Variants in KLF12 observed in about 807,000 individuals in gnomAD.
The protein encoded by KLF12 is Krueppel-like factor 12.
Under a neutral mutation model 37.8 loss-of-function variants are expected in KLF12, and 9 were observed. That is an observed-to-expected ratio of 0.24 (90% CI 0.14 to 0.42). The LOEUF (loss-of-function observed/expected upper bound fraction) is 0.42, where lower values mean the gene tolerates loss of function less well. Among genes scored for constraint, KLF12 ranks in the 10% least tolerant of loss-of-function variants. KLF12 has a pLI of 1.00. For missense variants in KLF12, 411 were observed against 516.0 expected (o/e 0.80, Z 1.97); for synonymous variants, 208 against 202.1 (o/e 1.03, Z -0.25).
At chr13:73,961,361 T>C (rs2139462635) in intron 2 of KLF12, among the ~76,000 whole-genome samples, 1 of 152,150 alleles carries the variant, frequency 6.6e-6, no homozygotes, top group Non-Finnish European at 1.5e-5. Flanking sequence ...TCCTAACAAG[T>C]GAGAAGCTGA....
chr13:74,009,474 C>T (rs1411514832), intron 1 of KLF12, among the ~76,000 whole-genome samples: 1 of 152,170 alleles, frequency 6.6e-6, no homozygotes, highest in Non-Finnish European at 1.5e-5. Flanking sequence ...TCCCAAAGTC[C>T]ACACTCTTTT....
intron 7 of KLF12, among the ~76,000 whole-genome samples, chr13:73,699,882 C>A (rs1055766495): frequency 1.3e-5 from 2 of 152,130 alleles, no homozygotes; most frequent in African/African-American, 4.8e-5. Context: ...GTGTAATAAA[C>A]AATCGTGAAA....
rs150899039 is a variant in KLF12 at position 73,858,372 on chromosome 13, A to G, written c.124-11999T>C. Among the ~76,000 whole-genome samples the G allele has an allele frequency of 1.5e-3, 235 of 152,306 alleles. 1 individual carries two copies. The highest frequency in any genetic ancestry group is 4.2e-3 in the African/African-American group (174 of 41,576). On this transcript the variant is annotated intron_variant, in intron 3 of 7. Coordinates refer to ENST00000377669, the MANE Select transcript of KLF12 (RefSeq NM_007249.5). ...ATTAACACATCCACTTATAATTTGA[A>G]ATTAACTAAGGAAAACAGCTAAATA...
chr13:74,207,193 G>A, the KLF12 span, among the ~76,000 whole-genome samples: 2 of 152,150 alleles, frequency 1.3e-5, no homozygotes, highest in East Asian at 3.9e-4. Flanking sequence ...CAAAGCATTA[G>A]TCCATTCATG....
chr13:73,927,831 G>A (rs1388336819), intron 3 of KLF12, among the ~76,000 whole-genome samples: 2 of 142,272 alleles, frequency 1.4e-5, no homozygotes, highest in South Asian at 2.3e-4. Context: ...CTCGTGATCC[G>A]CCTGCCTCGG....
chr13:74,099,157 G>A (rs949968216), intron 1 of KLF12, among the ~76,000 whole-genome samples: 46 of 152,236 alleles, frequency 3.0e-4, no homozygotes, highest in African/African-American at 1.1e-3. Flanking sequence ...AGACCAGTCT[G>A]GGCAACATAG....
intron 5 of KLF12, among the ~76,000 whole-genome samples, chr13:73,804,680 A>G (rs965921767): frequency 6.6e-5 from 10 of 152,192 alleles, no homozygotes; most frequent in African/African-American, 9.6e-5. Flanking sequence ...AAAAAGAGCA[A>G]TCTAACAGCA....
chr13:74,037,059 C>G (rs1211455617), intron 1 of KLF12, among the ~76,000 whole-genome samples: 1 of 151,922 alleles, frequency 6.6e-6, no homozygotes, highest in Non-Finnish European at 1.5e-5. Context: ...AAAAAATTAG[C>G]CAGGCATGGT....
chr13:74,078,022 G>C (rs1028692828), intron 1 of KLF12, among the ~76,000 whole-genome samples: 11 of 152,280 alleles, frequency 7.2e-5, no homozygotes, highest in Admixed American at 7.2e-4. Context: ...GACCAAGGAA[G>C]ATACAGTGTG....
chr13:73,853,278 G>A (rs929720568), intron 3 of KLF12, among the ~76,000 whole-genome samples: 1 of 151,934 alleles, frequency 6.6e-6, no homozygotes, highest in African/African-American at 2.4e-5. Context: ...ATTTTTTCAT[G>A]ACCTATTTAC....
At position 73,916,235 on chromosome 13, in the gene KLF12, A is replaced by ACG. The variant is rs1555324818; in HGVS notation, c.123+27745_123+27746insCG. On this transcript the variant is annotated intron_variant, in intron 3 of 7. Transcript: ENST00000377669. ...CACACACACACACACACACACACAC[A>ACG]CACACGCACACGCACACACACACAC... Among the ~76,000 whole-genome samples, 21 of 33,462 alleles carry ACG rather than the reference A, an allele frequency of 6.3e-4. No individual in the cohort carries two copies. The South Asian group carries it at 0.016, about 25-fold the overall frequency. 22.0% of individuals were successfully genotyped at this position (33,462 alleles called of 152,430 possible). A position where few individuals can be genotyped will look rare whatever the true frequency, so the allele number is the denominator to read the frequency against.
the KLF12 span, among the ~76,000 whole-genome samples, chr13:74,205,963 C>A: frequency 6.6e-6 from 1 of 152,116 alleles, no homozygotes; most frequent in African/African-American, 2.4e-5. Flanking sequence ...GAGGTAATGT[C>A]TGACACAGAG....
chr13:73,830,963 G>A (rs927586098), intron 4 of KLF12, among the ~76,000 whole-genome samples: 11 of 149,040 alleles, frequency 7.4e-5, no homozygotes, highest in African/African-American at 2.7e-4. Context: ...TCAATATTTA[G>A]CAACATGGAA....
At chr13:73,826,944 G>C (rs1883879984) in intron 4 of KLF12, among the ~76,000 whole-genome samples, 1 of 152,070 alleles carries the variant, frequency 6.6e-6, no homozygotes, top group Non-Finnish European at 1.5e-5. Context: ...ATCATGCCTG[G>C]TTAACTTTTG....
intron 3 of KLF12, among the ~76,000 whole-genome samples, chr13:73,898,046 C>T (rs143948736): frequency 2.2e-4 from 33 of 152,268 alleles, no homozygotes; most frequent in African/African-American, 7.2e-4. Flanking sequence ...GTACGCTCTT[C>T]TCCCTCACTA....
intron 3 of KLF12, among the ~76,000 whole-genome samples, chr13:73,903,246 A>G (rs1888117108): frequency 6.6e-6 from 1 of 152,208 alleles, no homozygotes; most frequent in South Asian, 2.1e-4. Context: ...TGTGTGTGCC[A>G]GAACATGCTG....
chr13:74,215,721 A>G, the KLF12 span, among the ~76,000 whole-genome samples: 1 of 152,212 alleles, frequency 6.6e-6, no homozygotes, highest in African/African-American at 2.4e-5. Context: ...ATTTTCCAGA[A>G]AACAAACAAA....
chr13:73,695,220 G>A lies in KLF12; in HGVS notation c.*270C>T. 2.5e-6 allele frequency: 1 copy of A among 403,168 alleles called. No homozygotes were observed. 25.0% of individuals were successfully genotyped at this position (403,168 alleles called of 1,614,324 possible). On this transcript the variant is annotated 3_prime_UTR_variant, in exon 8 of 8. Coordinates refer to ENST00000377669, the MANE Select transcript of KLF12 (RefSeq NM_007249.5). Reference sequence around the variant, plus strand: ...GTACAAGCTACAAACATCTTTAAATGGCAGAGGACACAGCACGGAAAACAA... The same window carrying A: ...GTACAAGCTACAAACATCTTTAAATAGCAGAGGACACAGCACGGAAAACAA...
At chr13:73,797,928 C>T (rs1882082485) in intron 5 of KLF12, among the ~76,000 whole-genome samples, 1 of 152,108 alleles carries the variant, frequency 6.6e-6, no homozygotes, top group African/African-American at 2.4e-5. Context: ...CATTCTTCTT[C>T]CTGATTGTTT....
Sources: gnomAD v4.1 joint callset for allele counts (sites outside exome capture counted in the v4.1 genomes callset) on GRCh38, gnomAD v4.1.1 for gene constraint, MANE v1.5 for transcripts, NCBI Gene and HGNC (gene_info 2026-07-23, HGNC 2026-07-21) for gene names.